The following DSCAM variants were observed in gnomAD, a reference collection of about 807,000 sequenced individuals.
DSCAM encodes the protein cell adhesion molecule DSCAM.
DSCAM carries 47 observed loss-of-function variants against 217.7 expected under a neutral mutation model. That is an observed-to-expected ratio of 0.22 (90% CI 0.17 to 0.28). The LOEUF (loss-of-function observed/expected upper bound fraction) is 0.28, where lower values mean the gene tolerates loss of function less well. DSCAM is among the 10% of genes least tolerant of loss of function. DSCAM has a pLI of 1.00. For missense variants in DSCAM, 2,080 were observed against 2,618.3 expected (o/e 0.79, Z 4.49); for synonymous variants, 1,056 against 1,015.3 (o/e 1.04, Z -0.76).
Position 40,144,386 on chromosome 21 carries a change from G to A in DSCAM, c.3259+105C>T. 1 of 1,533,606 alleles carries A rather than the reference G, an allele frequency of 6.5e-7. No homozygotes were observed. The highest frequency in any genetic ancestry group is 1.2e-5 in the South Asian group (1 of 80,156). 95.0% of individuals were successfully genotyped at this position (1,533,606 alleles called of 1,614,324 possible). A position where few individuals can be genotyped will look rare whatever the true frequency, so the allele number is the denominator to read the frequency against. Reference sequence around the variant, plus strand: ...GAGACCCCAGGCCCTGCAGGTCACTGCAAAGTCGTGGGGCGGGGGAGTGCG... The same window carrying A: ...GAGACCCCAGGCCCTGCAGGTCACTACAAAGTCGTGGGGCGGGGGAGTGCG... On this transcript the variant is annotated intron_variant, in intron 17 of 32. Transcript: ENST00000400454. The surrounding 1 kb of genome is among the most constrained non-coding windows in gnomAD (Gnocchi z 4.8).
At chr21:40,635,410 C>T (rs1425133799) in intron 3 of DSCAM, among the ~76,000 whole-genome samples, 1 of 152,008 alleles carries the variant, frequency 6.6e-6, no homozygotes. Flanking sequence ...CAAATTGCTA[C>T]CGAGGTAAAG....
rs1216688355 is a variant in DSCAM, at chr21:40,042,571, T to A, written c.5486A>T (p.His1829Leu). 12 of 1,614,104 alleles carry A rather than the reference T, an allele frequency of 7.4e-6. No homozygotes were observed. The highest frequency in any genetic ancestry group is 8.5e-6 in the Non-Finnish European group (10 of 1,180,058). Residue 1829 changes from histidine (H) to leucine (L), a missense_variant, in exon 32 of 33, where the codon CAC (histidine) becomes CTC (leucine). This residue lies in a region of DSCAM where 1,144 missense variants were observed against 1,421.1 expected (regional missense o/e 0.81). Coordinates refer to ENST00000400454, the MANE Select transcript of DSCAM (RefSeq NM_001389.5). ...GCACTCCGTGATGGTGAACTTGGCG[T>A]GCCTCAGTTGCTCTTCCATCTTGGC... Reference protein sequence around the residue: ...EHAKMEEQLRHAKFTITECFI... With the variant: ...EHAKMEEQLRLAKFTITECFI...
At chr21:40,350,682 T>C (rs1049575209) in intron 5 of DSCAM, among the ~76,000 whole-genome samples, 32 of 151,614 alleles carry the variant, frequency 2.1e-4, no homozygotes, top group Admixed American at 1.9e-3. Context: ...ATATCAAGGG[T>C]GCATAGAACT....
chr21:40,065,744 A>T (rs1179782208), intron 27 of DSCAM, among the ~76,000 whole-genome samples: 1 of 151,818 alleles, frequency 6.6e-6, no homozygotes, highest in Non-Finnish European at 1.5e-5. Context: ...TCCTAATCTC[A>T]CTTATTAGTC....
intron 11 of DSCAM, among the ~76,000 whole-genome samples, chr21:40,193,631 A>G (rs1030838928): frequency 1.3e-5 from 2 of 152,220 alleles, no homozygotes; most frequent in Admixed American, 1.3e-4. Context: ...AGAATAAAAT[A>G]TAGAAACTCT....
intron 3 of DSCAM, among the ~76,000 whole-genome samples, chr21:40,581,789 G>A (rs2076907943): frequency 6.6e-6 from 1 of 152,084 alleles, no homozygotes; most frequent in South Asian, 2.1e-4. Flanking sequence ...ATGGCTACGA[G>A]TTTATTCTTA....
chr21:40,481,531 A>C (rs1365852583), intron 3 of DSCAM, among the ~76,000 whole-genome samples: 1 of 33,212 alleles, frequency 3.0e-5, no homozygotes, highest in South Asian at 7.3e-4. Context: ...CTCTGTCTCC[A>C]AAAAAAAAAA....
intron 16 of DSCAM, among the ~76,000 whole-genome samples, chr21:40,145,280 G>A (rs1202043213): frequency 6.6e-6 from 1 of 152,206 alleles, no homozygotes; most frequent in Non-Finnish European, 1.5e-5. Context: ...AAAGACCCCC[G>A]TCCTCATGGA....
At chr21:40,443,290 C>G (rs1479320484) in intron 3 of DSCAM, among the ~76,000 whole-genome samples, 1 of 152,082 alleles carries the variant, frequency 6.6e-6, no homozygotes, top group Admixed American at 6.5e-5. Context: ...CATAATGTAC[C>G]CTACTTGGTA....
chr21:40,081,996 C>T (rs1042281675), intron 24 of DSCAM, among the ~76,000 whole-genome samples: 2 of 152,186 alleles, frequency 1.3e-5, no homozygotes, highest in Non-Finnish European at 2.9e-5. Flanking sequence ...GAGCCCATCC[C>T]TAGGTGCCCC....
chr21:40,357,318 T>A (rs188465416), intron 4 of DSCAM, among the ~76,000 whole-genome samples: 1 of 152,304 alleles, frequency 6.6e-6, no homozygotes, highest in African/African-American at 2.4e-5. Context: ...GAGACAGGCC[T>A]AACCAATGAT....
At chr21:40,602,561 C>T (rs1411182351) in intron 3 of DSCAM, among the ~76,000 whole-genome samples, 6 of 152,082 alleles carry the variant, frequency 3.9e-5, no homozygotes, top group Non-Finnish European at 8.8e-5. Context: ...TAGTCTGTGT[C>T]CTTCAAGAAA....
intron 16 of DSCAM, among the ~76,000 whole-genome samples, chr21:40,157,512 T>C (rs2090492050): frequency 6.6e-6 from 1 of 152,158 alleles, no homozygotes; most frequent in Admixed American, 6.5e-5. Flanking sequence ...TCTCCTTTTA[T>C]CCATGCTCCA....
chr21:40,165,039 A>G (rs1373225599), intron 16 of DSCAM, among the ~76,000 whole-genome samples: 1 of 152,088 alleles, frequency 6.6e-6, no homozygotes, highest in Non-Finnish European at 1.5e-5. Context: ...GTGTCTCTGT[A>G]CTGAATGCAT....
At chr21:40,213,939 G>T (rs917514935) in intron 11 of DSCAM, among the ~76,000 whole-genome samples, 1 of 152,174 alleles carries the variant, frequency 6.6e-6, no homozygotes, top group Non-Finnish European at 1.5e-5. Context: ...AAGGCCCTTG[G>T]CCCAGCCATT....
intron 3 of DSCAM, among the ~76,000 whole-genome samples, chr21:40,547,937 T>C (rs758415377): frequency 1.8e-4 from 28 of 152,032 alleles, no homozygotes; most frequent in Non-Finnish European, 2.1e-4. Flanking sequence ...GCCCCCCAAA[T>C]TGGGGAGGGA....
At chr21:40,775,292 C>T (rs2091478444) in intron 1 of DSCAM, among the ~76,000 whole-genome samples, 1 of 152,142 alleles carries the variant, frequency 6.6e-6, no homozygotes, top group East Asian at 1.9e-4. Context: ...CCCACGTTGA[C>T]CAGTAGTGAC....
intron 16 of DSCAM, among the ~76,000 whole-genome samples, chr21:40,159,743 T>C (rs2090519230): frequency 6.6e-6 from 1 of 152,146 alleles, no homozygotes. Flanking sequence ...CCATCATGCC[T>C]GGCTAATTTT....
intron 1 of DSCAM, among the ~76,000 whole-genome samples, chr21:40,727,764 G>A (rs1004380640): frequency 1.3e-5 from 2 of 152,118 alleles, no homozygotes; most frequent in African/African-American, 2.4e-5. Flanking sequence ...GCCATCTCTG[G>A]CCTCTGTTCT....
Sources: allele counts gnomAD v4.1 joint callset (sites outside exome capture counted in the v4.1 genomes callset), GRCh38; gene constraint gnomAD v4.1.1; regional missense constraint gnomAD v4.1.1; non-coding constraint Gnocchi (gnomAD v3.1); transcripts MANE v1.5; gene names NCBI Gene and HGNC (gene_info 2026-07-23, HGNC 2026-07-21).